The following SYT1 variants were observed in gnomAD, a reference collection of about 807,000 sequenced individuals.
The protein encoded by SYT1 is synaptotagmin 1, also known as synaptotagmin-1.
A neutral mutation model predicts 44.8 loss-of-function variants in SYT1; 8 were observed. The observed-to-expected ratio is 0.18, with a 90% CI of 0.10 to 0.32. The LOEUF is 0.32. Ranked by LOEUF, SYT1 falls within the 10% of genes least tolerant of loss-of-function variation. The pLI is 1.00. For missense variants in SYT1, 286 were observed against 509.3 expected (o/e 0.56, Z 4.22); for synonymous variants, 154 against 188.8 (o/e 0.82, Z 1.51).
intron 9 of SYT1, among the ~76,000 whole-genome samples, chr12:79,387,630 G>T (rs1884488039): frequency 6.6e-6 from 1 of 152,176 alleles, no homozygotes; most frequent in South Asian, 2.1e-4. Context: ...TGTCAACTGT[G>T]CAGGCAATTT....
chr12:79,171,463 A>G (rs1458257042), intron 3 of SYT1, among the ~76,000 whole-genome samples: 6 of 151,886 alleles, frequency 4.0e-5, no homozygotes, highest in Admixed American at 3.9e-4. Flanking sequence ...AAGAGTAGAA[A>G]TATTTTTAAG....
At chr12:78,876,686 T>G (rs759682865) in intron 1 of SYT1, among the ~76,000 whole-genome samples, 3 of 123,932 alleles carry the variant, frequency 2.4e-5, no homozygotes, top group Non-Finnish European at 3.3e-5. Flanking sequence ...TGTGTATATA[T>G]ACACACATGT....
intron 4 of SYT1, among the ~76,000 whole-genome samples, chr12:79,218,845 G>T (rs184506587): frequency 6.6e-6 from 1 of 152,096 alleles, no homozygotes; most frequent in African/African-American, 2.4e-5. Flanking sequence ...ATATCTGTTT[G>T]TCATATTGAT....
intron 1 of SYT1, among the ~76,000 whole-genome samples, chr12:78,959,553 T>C (rs1274234971): frequency 1.3e-5 from 2 of 152,130 alleles, no homozygotes; most frequent in Non-Finnish European, 2.9e-5. Context: ...AAAATGTAAA[T>C]GAGGGGGAAC....
At chr12:79,220,500 T>C (rs1875093896) in intron 4 of SYT1, among the ~76,000 whole-genome samples, 1 of 152,024 alleles carries the variant, frequency 6.6e-6, no homozygotes, top group Non-Finnish European at 1.5e-5. Flanking sequence ...GGTTCAACAT[T>C]AGGCTATTTA....
At chr12:79,157,209 T>A (rs1445602999) in intron 3 of SYT1, among the ~76,000 whole-genome samples, 1 of 152,208 alleles carries the variant, frequency 6.6e-6, no homozygotes, top group East Asian at 1.9e-4. Flanking sequence ...AGTGAACTGC[T>A]TGCCGTTTAT....
chr12:79,311,935 G>C (rs1321615325), intron 8 of SYT1, among the ~76,000 whole-genome samples: 6 of 148,894 alleles, frequency 4.0e-5, no homozygotes, highest in Non-Finnish European at 7.4e-5. Context: ...GAGTTAATGG[G>C]TGCAGCACAC....
At chr12:79,001,548 A>G (rs1870744009) in intron 2 of SYT1, among the ~76,000 whole-genome samples, 1 of 152,180 alleles carries the variant, frequency 6.6e-6, no homozygotes, top group Non-Finnish European at 1.5e-5. Flanking sequence ...AATGGTTGGT[A>G]AGATCAGGTG....
chr12:79,422,940 AG>A (rs1347312426), intron 9 of SYT1, among the ~76,000 whole-genome samples: 1 of 152,122 alleles, frequency 6.6e-6, no homozygotes, highest in Non-Finnish European at 1.5e-5. Flanking sequence ...ATGCTCTGTC[AG>A]AAAGAAGCAG....
At chr12:79,298,309 T>A (rs999612437) in intron 7 of SYT1, among the ~76,000 whole-genome samples, 2 of 152,156 alleles carry the variant, frequency 1.3e-5, no homozygotes, top group Non-Finnish European at 2.9e-5. Context: ...GCTTACTTTT[T>A]AATCATATCA....
At chr12:78,977,468 G>A (rs1868930971) in intron 1 of SYT1, 1 of 152,210 alleles carries the variant, frequency 6.6e-6, no homozygotes, top group South Asian at 2.1e-4. Context: ...TAATTCCACT[G>A]GGTGTCTTCT....
At position 79,116,379 on chromosome 12, in the gene SYT1, A is replaced by T. The variant is rs568694366; in HGVS notation, c.-18+69017A>T. On this transcript the variant is annotated intron_variant, in intron 3 of 10. Coordinates refer to ENST00000261205, the MANE Select transcript of SYT1 (RefSeq NM_005639.3). ...GTTTTACACTGGCAGGGATGTACACAATATTCAATGGAGGAAAAGATAGGT... is the reference window on the plus strand; with the variant it reads ...GTTTTACACTGGCAGGGATGTACACTATATTCAATGGAGGAAAAGATAGGT... Among the ~76,000 whole-genome samples, 4 of 152,288 alleles carry T rather than the reference A, an allele frequency of 2.6e-5. No individual in the cohort carries two copies. The East Asian group carries it at 7.7e-4, about 29-fold the overall frequency.
chr12:79,441,221 C>T (rs1057119678), intron 9 of SYT1, among the ~76,000 whole-genome samples: 1 of 152,096 alleles, frequency 6.6e-6, no homozygotes, highest in African/African-American at 2.4e-5. Context: ...GGTCAATCTG[C>T]GAAGGCAAAG....
Position 79,271,365 on chromosome 12 carries a change from G to T in SYT1, c.167-14422G>T, listed in dbSNP as rs1432864009. On this transcript the variant is annotated intron_variant, in intron 4 of 10. Coordinates refer to ENST00000261205, the MANE Select transcript of SYT1 (RefSeq NM_005639.3). ...TTTATTGTAGAAAGAATATTTGTTA[G>T]TTGGCTTCACAATAGTTGTATCCCT... Among the ~76,000 whole-genome samples, 4 of 152,060 alleles carry T rather than the reference G, an allele frequency of 2.6e-5. No homozygotes were observed. The South Asian group carries it at 8.3e-4, about 32-fold the overall frequency.
chr12:78,926,936 C>T (rs1240940377), intron 1 of SYT1, among the ~76,000 whole-genome samples: 2 of 152,064 alleles, frequency 1.3e-5, no homozygotes, highest in African/African-American at 2.4e-5. Context: ...AATTCTGTAA[C>T]ATAAGTATCT....
intron 4 of SYT1, among the ~76,000 whole-genome samples, chr12:79,240,755 T>A (rs1190796769): frequency 1.3e-5 from 2 of 152,218 alleles, no homozygotes; most frequent in East Asian, 3.8e-4. Context: ...TACATGGGAT[T>A]GGTTATTAGA....
chr12:79,216,247 A>C (rs892873767), intron 3 of SYT1, among the ~76,000 whole-genome samples: 3 of 152,056 alleles, frequency 2.0e-5, no homozygotes, highest in Non-Finnish European at 2.9e-5. Flanking sequence ...TCATTTTTAA[A>C]AAAATCTTGT....
intron 4 of SYT1, among the ~76,000 whole-genome samples, chr12:79,226,766 T>G (rs1875544248): frequency 6.6e-6 from 1 of 152,186 alleles, no homozygotes; most frequent in Non-Finnish European, 1.5e-5. Flanking sequence ...TAAAAGTGTG[T>G]AATAGTATGT....
intron 4 of SYT1, 42 bp downstream of exon 4, chr12:79,217,727 G>T (rs2138564331): frequency 6.5e-7 from 1 of 1,528,932 alleles, no homozygotes. Context: ...ATAAGTGGTT[G>T]AAAAATACCC....
Sources: allele counts gnomAD v4.1 joint callset (sites outside exome capture counted in the v4.1 genomes callset), GRCh38; gene constraint gnomAD v4.1.1; transcripts MANE v1.5; gene names NCBI Gene and HGNC (gene_info 2026-07-23, HGNC 2026-07-21).